WBP1: variants seen among roughly 807,000 people sequenced by gnomAD.
WBP1 encodes the protein WW domain binding protein 1, also known as WW domain-binding protein 1.
WBP1 carries 18 observed loss-of-function variants against 25.6 expected under a neutral mutation model. That is an observed-to-expected ratio of 0.70 (90% confidence interval 0.49 to 1.04). The LOEUF (loss-of-function observed/expected upper bound fraction) is 1.04, where lower values mean the gene tolerates loss of function less well. Among genes scored for constraint, WBP1 ranks in the 50% least tolerant of loss-of-function variants. WBP1 has a pLI of 0.00. For synonymous variants in WBP1, 122 were observed against 137.7 expected, an observed-to-expected ratio of 0.89 and a Z score of 0.80; for missense variants, 330 against 352.9, an observed-to-expected ratio of 0.94 and a Z score of 0.52.
rs758030588 is a variant in WBP1 at position 74,459,015 on chromosome 2, C to T, written c.69+344C>T. ...ACAACAGAGTCCGGCAGCGTCTTCT[C>T]TTGAGGGAGCAATTTGGAGAAGAGC... On this transcript the variant is annotated intron_variant, in intron 1 of 3. Transcript: ENST00000233615. 8.4e-6 allele frequency: 13 copies of T among 1,550,582 alleles called. No homozygotes were observed. The South Asian group carries it at 1.1e-4, about 13-fold the overall frequency.
chr2:74,459,971 C>A lies in WBP1; in HGVS notation c.271C>A (p.Arg91Ser), dbSNP rs758938284. ...CAGGCTGCAACAACAGCAGCGGCAG[C>A]GTGAAATCAACTTGTTGGCCTATCA... ...KLRLQQQQRQ[R>S]EINLLAYHGA... The change falls in exon 3 of 4, where the codon CGT becomes AGT. Residue 91 changes from arginine to serine, a missense_variant. Coordinates refer to ENST00000233615, the MANE Select transcript of WBP1 (RefSeq NM_012477.4). 3 of 1,614,192 alleles carry A rather than the reference C, an allele frequency of 1.9e-6. No homozygotes were observed.
chr2:74,460,509 G>A lies in WBP1; in HGVS notation c.638G>A (p.Gly213Asp), dbSNP rs1245822072. The A allele has an allele frequency of 1.9e-6, 3 of 1,613,570 alleles. No individual in the cohort carries two copies. The highest frequency in any genetic ancestry group is 1.3e-5 in the African/African-American group (1 of 74,902). Residue 213 changes from glycine to aspartate, a missense_variant, in exon 4 of 4, where the codon GGT becomes GAT. Physicochemically the swap from Gly to Asp is moderately conservative, Grantham distance 94. Transcript: ENST00000233615. ...CRYRRLTGDS[G>D]IELCPCPASG... ...TATCGCCGTTTAACTGGCGACTCCG[G>A]TATTGAGCTCTGCCCTTGTCCTGCC...
intron 1 of WBP1, chr2:74,459,247 C>A: frequency 8.4e-7 from 1 of 1,192,410 alleles, no homozygotes; most frequent in Non-Finnish European, 1.1e-6. Flanking sequence ...CCTACCGCTA[C>A]CCGTTGTCTG....
At position 74,458,582 on chromosome 2, in the gene WBP1, CAG is replaced by C. The variant is rs1421290809; in HGVS notation, c.-20_-19del. 1 of 1,547,538 alleles carries C rather than the reference CAG, an allele frequency of 6.5e-7. No homozygotes were observed. The highest frequency in any genetic ancestry group is 2.4e-5 in the East Asian group (1 of 41,922). ...TGGCGGTAGAGGAGGCTGTGGTCCT[CAG>C]GGGGCTGTAGGTGGAGGTATGGCTC... On this transcript the variant is annotated 5_prime_UTR_variant, in exon 1 of 4. The change abolishes the stop of an existing upstream ORF in the 5' untranslated region. Transcript: ENST00000233615.
At chr2:74,458,784 G>C in intron 1 of WBP1, 113 bp downstream of exon 1, 3 of 1,520,422 alleles carry the variant, frequency 2.0e-6, no homozygotes, top group Non-Finnish European at 1.8e-6. Flanking sequence ...GTACTGTGAA[G>C]TTCCTAAACA....
Position 74,460,448 on chromosome 2 carries a change from G to A in WBP1, c.577G>A (p.Gly193Arg). 2.5e-6 allele frequency: 4 copies of A among 1,613,580 alleles called. No individual in the cohort carries two copies. Among genetic ancestry groups the A allele is most frequent in the Non-Finnish European group, 3.4e-6 (4 of 1,180,010 alleles). The change falls in exon 4 of 4, where the codon GGG becomes AGG. Residue 193 changes from glycine to arginine, a missense_variant. Gly to Arg is a moderately radical substitution (Grantham distance 125). Coordinates refer to ENST00000233615, the MANE Select transcript of WBP1 (RefSeq NM_012477.4). ...TCATCAGGAGGGTGAGCCCGGGGCA[G>A]GGGTGACCCCTGCCTCCACACCCCC... is the stretch of plus-strand genomic sequence containing the variant. ...PPHQEGEPGA[G>R]VTPASTPPSC...
chr2:74,459,843 C>G, intron 2 of WBP1, 30 bp from the exon 3 acceptor site: 3 of 1,612,542 alleles, frequency 1.9e-6, no homozygotes, highest in South Asian at 1.1e-5. Flanking sequence ...ATGAAAGATG[C>G]CTGAGTTGCT....
rs564682698 is a variant in WBP1, at chr2:74,460,819, G to A, written c.*138G>A. 3 of 773,002 alleles carry A rather than the reference G, an allele frequency of 3.9e-6. No individual in the cohort carries two copies. In the South Asian group the frequency reaches 5.7e-5, roughly 15 times the overall value. 47.9% of individuals were successfully genotyped at this position (773,002 alleles called of 1,614,324 possible). On this transcript the variant is annotated 3_prime_UTR_variant, in exon 4 of 4. Coordinates refer to ENST00000233615, the MANE Select transcript of WBP1 (RefSeq NM_012477.4). ...GAGAGGGGCAGTATTGGGGGACTGT[G>A]CTAGCTTTACCCCCGCAGGACATAC...
At chr2:74,459,521 C>G in intron 1 of WBP1, 122 bp from the exon 2 acceptor site, 1 of 871,730 alleles carries the variant, frequency 1.1e-6, no homozygotes, top group South Asian at 1.6e-5. Context: ...CTCCACTTCC[C>G]CCATCTCTCC....
chr2:74,458,936 G>A, intron 1 of WBP1: 1 of 1,550,902 alleles, frequency 6.4e-7, no homozygotes, highest in Non-Finnish European at 8.7e-7. Flanking sequence ...TCCCAGGGAG[G>A]CTCCCTCTGT....
At chr2:74,458,791 A>G (rs1355506962) in intron 1 of WBP1, 120 bp downstream of exon 1, 5 of 1,522,058 alleles carry the variant, frequency 3.3e-6, no homozygotes, top group Non-Finnish European at 4.4e-6. Context: ...GAAGTTCCTA[A>G]ACATGTCTCT....
chr2:74,459,659 C>T lies in WBP1; in HGVS notation c.86C>T (p.Pro29Leu), dbSNP rs1224001308. The change falls in exon 2 of 4, where the codon CCA becomes CTA. Residue 29 changes from proline (P) to leucine (L), a missense_variant. Pro to Leu is a moderately conservative substitution (Grantham distance 98). Transcript: ENST00000233615. ...APQQQLRELC[P>L]GVNNQPYLCE... ...TGCCCGCAGCTTCGAGAGCTGTGCC[C>T]AGGAGTGAACAACCAGCCCTACCTC... 9 of 1,614,050 alleles carry T rather than the reference C, an allele frequency of 5.6e-6. No homozygotes were observed. Among genetic ancestry groups the T allele is most frequent in the South Asian group, 1.1e-5 (1 of 91,080 alleles).
Position 74,460,555 on chromosome 2 carries a change from C to T in WBP1, c.684C>T (p.Val228=). 1.2e-6 allele frequency: 2 copies of T among 1,613,474 alleles called. No homozygotes were observed. Among genetic ancestry groups the T allele is most frequent in the Non-Finnish European group, 1.7e-6 (2 of 1,179,732 alleles). Residue 228 remains valine, a synonymous_variant, in exon 4 of 4, where the codon GTC becomes GTT. Coordinates refer to ENST00000233615, the MANE Select transcript of WBP1 (RefSeq NM_012477.4). ...PCPASGEGEP[V]KEVRVSATLP... ...CTGCCTCCGGTGAGGGTGAGCCAGT[C>T]AAGGAGGTGAGGGTTAGTGCCACCC...
At chr2:74,459,273 C>T in intron 1 of WBP1, 2 of 927,488 alleles carry the variant, frequency 2.2e-6, no homozygotes, top group Non-Finnish European at 1.5e-6. Context: ...GAGATTATCT[C>T]AGACTGTCTT....
chr2:74,460,206 T>A lies in WBP1; in HGVS notation c.350-15T>A. ...GGTTGTCTTCAACCAATCATGCCAATTTTCTCCCCTGCAGGCTTCCTCAGC... is the reference window on the plus strand; with the variant it reads ...GGTTGTCTTCAACCAATCATGCCAAATTTCTCCCCTGCAGGCTTCCTCAGC... On this transcript the variant is annotated splice_polypyrimidine_tract_variant and intron_variant, in intron 3 of 3. Coordinates refer to ENST00000233615, the MANE Select transcript of WBP1 (RefSeq NM_012477.4). 6.3e-7 allele frequency: 1 copy of A among 1,597,674 alleles called. No individual in the cohort carries two copies. The highest frequency in any genetic ancestry group is 1.1e-5 in the South Asian group (1 of 89,688).
chr2:74,458,726 C>A (rs996643240), intron 1 of WBP1, 55 bp downstream of exon 1: 53 of 1,539,560 alleles, frequency 3.4e-5, no homozygotes, highest in South Asian at 2.8e-4. Context: ...TTTCCCCTTT[C>A]CTTGTCCCTT....
intron 1 of WBP1, chr2:74,459,163 G>A: frequency 3.9e-6 from 6 of 1,522,980 alleles, no homozygotes; most frequent in Middle Eastern, 2.2e-4. Flanking sequence ...GAGGCCCAGG[G>A]GTGGAAAGAT....
rs574152680 is a variant in WBP1 at position 74,459,534 on chromosome 2, G to A, written c.70-109G>A. 7.9e-6 allele frequency: 8 copies of A among 1,006,300 alleles called. No individual in the cohort carries two copies. In the Admixed American group the frequency reaches 1.4e-4, roughly 18 times the overall value. The allele number at this position is 1,006,300 out of a possible 1,614,324, so 62.3% of individuals were successfully genotyped here. On this transcript the variant is annotated intron_variant, in intron 1 of 3. Coordinates refer to ENST00000233615, the MANE Select transcript of WBP1 (RefSeq NM_012477.4). Reference sequence around the variant, plus strand: ...TCCTCCACTTCCCCCATCTCTCCAAGCTGAACTTGGTTCACAGGGTGGGAT... The same window carrying A: ...TCCTCCACTTCCCCCATCTCTCCAAACTGAACTTGGTTCACAGGGTGGGAT...
rs895030785 is a variant in WBP1 at position 74,459,810 on chromosome 2, G to A, written c.173-63G>A. ...ACCCTCCCTTGGACCTCAGAATTTCGGCCTTCAGGGCCCCTTCTCTGCATG... is the reference window on the plus strand; with the variant it reads ...ACCCTCCCTTGGACCTCAGAATTTCAGCCTTCAGGGCCCCTTCTCTGCATG... On this transcript the variant is annotated intron_variant, in intron 2 of 3. Transcript: ENST00000233615. 6.8e-6 allele frequency: 11 copies of A among 1,613,148 alleles called. No homozygotes were observed. In the East Asian group the frequency reaches 8.9e-5, roughly 13 times the overall value.
Sources: allele counts gnomAD v4.1 joint callset, GRCh38; gene constraint gnomAD v4.1.1; transcripts MANE v1.5; gene names NCBI Gene and HGNC (gene_info 2026-07-23, HGNC 2026-07-21).